The following BBS9 variants were observed in gnomAD, a reference collection of about 807,000 sequenced individuals.
The protein encoded by BBS9 is Bardet-Biedl syndrome 9, also known as protein PTHB1.
BBS9 carries 89 observed loss-of-function variants against 117.7 expected under a neutral mutation model. The observed-to-expected ratio is 0.76, with a 90% CI of 0.64 to 0.90. The LOEUF is 0.90. Among genes scored for constraint, BBS9 ranks in the 40% least tolerant of loss-of-function variants. The pLI is 0.00. For missense variants in BBS9, 982 were observed against 1,042.2 expected (o/e 0.94, Z 0.80); for synonymous variants, 379 against 370.9 (o/e 1.02, Z -0.25).
chr7:33,210,467 A>G (rs1372867311), intron 5 of BBS9, among the ~76,000 whole-genome samples: 1 of 152,214 alleles, frequency 6.6e-6, no homozygotes, highest in Admixed American at 6.5e-5. Context: ...GATCTGTCCA[A>G]TGCTGAAAGT....
intron 19 of BBS9, among the ~76,000 whole-genome samples, chr7:33,492,318 C>T (rs537689175): frequency 1.5e-4 from 22 of 151,648 alleles, no homozygotes; most frequent in African/African-American, 5.1e-4. Context: ...TGCTAGCCAC[C>T]GTGACAAATA....
chr7:33,478,243 G>A (rs1842062812), intron 19 of BBS9, among the ~76,000 whole-genome samples: 1 of 152,128 alleles, frequency 6.6e-6, no homozygotes, highest in Non-Finnish European at 1.5e-5. Context: ...CTAGAAAAAT[G>A]CATAAAAACA....
chr7:33,285,120 G>A (rs560379332), intron 9 of BBS9, among the ~76,000 whole-genome samples: 4 of 152,228 alleles, frequency 2.6e-5, no homozygotes, highest in African/African-American at 4.8e-5. Context: ...GAGGGGCCAC[G>A]GGCAGTGGTA....
intron 4 of BBS9, among the ~76,000 whole-genome samples, chr7:33,176,099 T>A (rs975637072): frequency 3.3e-5 from 5 of 152,188 alleles, no homozygotes; most frequent in Non-Finnish European, 7.3e-5. Context: ...GACTTTTTTT[T>A]ATAAATGGAG....
intron 5 of BBS9, among the ~76,000 whole-genome samples, chr7:33,222,023 G>C (rs1019599528): frequency 2.6e-5 from 4 of 152,018 alleles, no homozygotes; most frequent in Non-Finnish European, 5.9e-5. Flanking sequence ...TGAAATAAGG[G>C]GGTCTTTGTA....
chr7:33,195,288 T>C (rs185502383), intron 5 of BBS9, among the ~76,000 whole-genome samples: 119 of 152,316 alleles, frequency 7.8e-4, no homozygotes, highest in African/African-American at 2.7e-3. Context: ...ATGTGTTATA[T>C]ACTTTAGACT....
chr7:33,471,835 A>G (rs909406776), intron 19 of BBS9, among the ~76,000 whole-genome samples: 14 of 152,224 alleles, frequency 9.2e-5, no homozygotes, highest in African/African-American at 3.1e-4. Flanking sequence ...TTTCAAAACC[A>G]TGAACTGCCA....
intron 21 of BBS9, among the ~76,000 whole-genome samples, chr7:33,618,209 A>G (rs1055603008): frequency 6.6e-6 from 1 of 152,006 alleles, no homozygotes; most frequent in Non-Finnish European, 1.5e-5. Flanking sequence ...GCTGGGCATA[A>G]TGTCACATGC....
At chr7:33,331,091 C>T (rs1272428813) in intron 9 of BBS9, among the ~76,000 whole-genome samples, 3 of 152,132 alleles carry the variant, frequency 2.0e-5, no homozygotes, top group Non-Finnish European at 2.9e-5. Context: ...GGGTTTCATT[C>T]CAGGGATGCA....
intron 9 of BBS9, among the ~76,000 whole-genome samples, chr7:33,278,537 A>G (rs983906944): frequency 6.6e-6 from 1 of 152,196 alleles, no homozygotes; most frequent in Non-Finnish European, 1.5e-5. Flanking sequence ...CTGAGACTAG[A>G]TGAGTTCAGC....
intron 5 of BBS9, among the ~76,000 whole-genome samples, chr7:33,214,918 G>A (rs188089187): frequency 1.3e-5 from 2 of 152,176 alleles, no homozygotes; most frequent in African/African-American, 4.8e-5. Flanking sequence ...GCTGGGCCTG[G>A]CGCAGTGGCT....
intron 21 of BBS9, among the ~76,000 whole-genome samples, chr7:33,545,259 C>T (rs1360794320): frequency 1.3e-5 from 2 of 152,170 alleles, no homozygotes; most frequent in Non-Finnish European, 2.9e-5. Flanking sequence ...CAAAGTTCAG[C>T]TAGAGAATTC....
intron 5 of BBS9, among the ~76,000 whole-genome samples, chr7:33,185,008 A>C (rs1798622031): frequency 6.6e-6 from 1 of 152,164 alleles, no homozygotes; most frequent in Admixed American, 6.5e-5. Flanking sequence ...TTTAGACCAT[A>C]CAATGTAATT....
intron 13 of BBS9, among the ~76,000 whole-genome samples, chr7:33,349,628 G>A (rs981695088): frequency 2.0e-4 from 31 of 151,794 alleles, no homozygotes; most frequent in Non-Finnish European, 1.9e-4. Context: ...ACGGGGTTTC[G>A]CCATGTTATC....
chr7:33,347,138 A>G (rs1817737207), intron 12 of BBS9, among the ~76,000 whole-genome samples: 1 of 152,208 alleles, frequency 6.6e-6, no homozygotes. Context: ...AGTCTTTTGT[A>G]AAATGGTTTA....
intron 19 of BBS9, among the ~76,000 whole-genome samples, chr7:33,412,344 G>C (rs911131481): frequency 6.6e-6 from 1 of 152,194 alleles, no homozygotes; most frequent in African/African-American, 2.4e-5. Context: ...ATAGAGCCTG[G>C]TGTGATGCAT....
chr7:33,556,767 G>A (rs1365727235), intron 21 of BBS9, among the ~76,000 whole-genome samples: 6 of 152,094 alleles, frequency 3.9e-5, no homozygotes, highest in Non-Finnish European at 7.3e-5. Context: ...ACTGCTCTAA[G>A]GTCTAACATA....
At chr7:33,453,853 G>T (rs942842213) in intron 19 of BBS9, among the ~76,000 whole-genome samples, 1 of 152,102 alleles carries the variant, frequency 6.6e-6, no homozygotes, top group African/African-American at 2.4e-5. Flanking sequence ...TTTATTGTAA[G>T]AATACAGTAT....
chr7:33,539,789 G>A (rs1406658365), intron 21 of BBS9, among the ~76,000 whole-genome samples: 1 of 152,192 alleles, frequency 6.6e-6, no homozygotes, highest in Non-Finnish European at 1.5e-5. Context: ...GACAGGCACA[G>A]TTCTCCAGTA....
Sources: allele counts gnomAD v4.1 joint callset (sites outside exome capture counted in the v4.1 genomes callset), GRCh38; gene constraint gnomAD v4.1.1; transcripts MANE v1.5; gene names NCBI Gene and HGNC (gene_info 2026-07-23, HGNC 2026-07-21).